GLRA2: variants seen among roughly 807,000 people sequenced by gnomAD.
GLRA2 encodes glycine receptor subunit alpha-2.
GLRA2 carries 11 observed loss-of-function variants against 31.6 expected under a neutral mutation model. The ratio of observed to expected loss-of-function variants is 0.35; its 90% confidence interval spans 0.22 to 0.58. The LOEUF (loss-of-function observed/expected upper bound fraction) is 0.58. GLRA2 is among the 20% of genes least tolerant of loss of function. The pLI, the probability that GLRA2 is intolerant of heterozygous loss-of-function variation, is 0.84. For synonymous variants in GLRA2, 132 were observed against 134.0 expected (o/e 0.99, Z 0.10); for missense variants, 212 against 351.8 (o/e 0.60, Z 3.18).
chrX:14,475,832 C>T, the GLRA2 span, among the ~76,000 whole-genome samples: 1 of 111,555 alleles, frequency 9.0e-6, no homozygotes, highest in Non-Finnish European at 1.9e-5. Flanking sequence ...ATTTCATAAT[C>T]CAATGTGTCA....
At chrX:14,495,874 G>T in the GLRA2 span, among the ~76,000 whole-genome samples, 2 of 110,500 alleles carry the variant, frequency 1.8e-5, no homozygotes, top group African/African-American at 6.6e-5. Flanking sequence ...GGGACTTTAT[G>T]ACCACTCTGG....
At chrX:14,461,138 G>T in the GLRA2 span, among the ~76,000 whole-genome samples, 38 of 112,285 alleles carry the variant, frequency 3.4e-4, 1 homozygote, top group South Asian at 0.013. Context: ...TTCAGGAGCA[G>T]GTTGTTCAGT....
At chrX:14,570,567 A>C (rs956947752) in intron 2 of GLRA2, among the ~76,000 whole-genome samples, 1 of 111,446 alleles carries the variant, frequency 9.0e-6, no homozygotes, top group African/African-American at 3.3e-5. Context: ...GGCATTTCCA[A>C]CAAACTCCTA....
At chrX:14,550,180 T>C (rs752928324) in intron 2 of GLRA2, among the ~76,000 whole-genome samples, 18 of 109,151 alleles carry the variant, frequency 1.6e-4, no homozygotes, top group Non-Finnish European at 3.2e-4. Context: ...AGTAAGTCTG[T>C]AGATTTATCG....
At chrX:14,449,801 G>C in the GLRA2 span, among the ~76,000 whole-genome samples, 1 of 112,372 alleles carries the variant, frequency 8.9e-6, no homozygotes, top group African/African-American at 3.2e-5. Flanking sequence ...CCCAGGATTT[G>C]AGCACACTGT....
At chrX:14,462,799 T>C in the GLRA2 span, among the ~76,000 whole-genome samples, 1 of 111,810 alleles carries the variant, frequency 8.9e-6, no homozygotes, top group Non-Finnish European at 1.9e-5. Flanking sequence ...CATGCTCCTT[T>C]AGCTCAGAGA....
At chrX:14,658,837 A>G (rs781508274) in intron 7 of GLRA2, among the ~76,000 whole-genome samples, 11 of 112,231 alleles carry the variant, frequency 9.8e-5, no homozygotes, top group Non-Finnish European at 1.9e-4. Context: ...TGTCATATAT[A>G]TATTCTTATC....
At chrX:14,503,019 T>A in the GLRA2 span, among the ~76,000 whole-genome samples, 4 of 111,158 alleles carry the variant, frequency 3.6e-5, no homozygotes, top group African/African-American at 1.3e-4. Context: ...ATTGAGAGAC[T>A]AAAATTTTTC....
chrX:14,621,277 C>T (rs747048813), intron 7 of GLRA2, among the ~76,000 whole-genome samples: 2 of 111,068 alleles, frequency 1.8e-5, no homozygotes, highest in African/African-American at 3.3e-5. Flanking sequence ...TTTCCCAGAC[C>T]CTACCACAAA....
chrX:14,692,754 T>C (rs1177026923), intron 8 of GLRA2, among the ~76,000 whole-genome samples: 1 of 112,040 alleles, frequency 8.9e-6, no homozygotes, highest in Non-Finnish European at 1.9e-5. Flanking sequence ...TCATTTTGCT[T>C]CCCAATTCTA....
chrX:14,699,102 C>A lies in GLRA2; in HGVS notation c.1080+8243C>A. On this transcript the variant is annotated intron_variant, in intron 8 of 8. Transcript: ENST00000218075. The stretch of plus-strand genomic sequence containing the variant: ...CCCAGATCTTCCCTGACAGAACTGG[C>A]CAACCCCAGTCTATTAGAAGCTGAT... 1.8e-5 allele frequency among the ~76,000 whole-genome samples: 2 copies of A among 112,183 alleles called. 1 individual carries two copies. The highest frequency in any genetic ancestry group is 7.5e-4 in the South Asian group (2 of 2,677).
At chrX:14,656,834 A>G (rs1003047744) in intron 7 of GLRA2, among the ~76,000 whole-genome samples, 4 of 112,251 alleles carry the variant, frequency 3.6e-5, no homozygotes, top group Non-Finnish European at 7.5e-5. Flanking sequence ...ATAGGTAGTA[A>G]TAAGTGCTAA....
At chrX:14,625,330 G>A (rs140507158) in intron 7 of GLRA2, among the ~76,000 whole-genome samples, 23,551 of 110,460 alleles carry the variant, frequency 0.21, 2,197 homozygotes, top group Non-Finnish European at 0.3. Context: ...TTTAATTGGC[G>A]CATTTAGCCT....
At chrX:14,570,678 C>G (rs1196912790) in intron 2 of GLRA2, among the ~76,000 whole-genome samples, 1 of 111,218 alleles carries the variant, frequency 9.0e-6, no homozygotes. Context: ...GATCCTGTTC[C>G]CTACCATAGC....
At chrX:14,489,982 G>A in the GLRA2 span, among the ~76,000 whole-genome samples, 3 of 109,988 alleles carry the variant, frequency 2.7e-5, no homozygotes, top group Non-Finnish European at 5.7e-5. Flanking sequence ...GACCTAGAGA[G>A]AGCATGACAA....
At chrX:14,464,268 C>T in the GLRA2 span, among the ~76,000 whole-genome samples, 1 of 111,871 alleles carries the variant, frequency 8.9e-6, no homozygotes, top group Non-Finnish European at 1.9e-5. Context: ...GACCAATATC[C>T]TGGAGCATCT....
intron 4 of GLRA2, among the ~76,000 whole-genome samples, chrX:14,589,301 A>G (rs1469447037): frequency 9.1e-6 from 1 of 110,190 alleles, no homozygotes; most frequent in Non-Finnish European, 1.9e-5. Flanking sequence ...TTTGAATTTT[A>G]TCAAAAGATT....
intron 8 of GLRA2, among the ~76,000 whole-genome samples, chrX:14,719,811 C>T (rs1425543477): frequency 2.7e-5 from 3 of 111,964 alleles, no homozygotes; most frequent in East Asian, 5.6e-4. Context: ...TATCCATCAA[C>T]AGATAAATGG....
chrX:14,473,707 C>G, the GLRA2 span, among the ~76,000 whole-genome samples: 1 of 112,045 alleles, frequency 8.9e-6, no homozygotes, highest in African/African-American at 3.2e-5. Flanking sequence ...AATAAACAAG[C>G]CTGCTCAGGC....
Sources: allele counts gnomAD v4.1 joint callset (sites outside exome capture counted in the v4.1 genomes callset), GRCh38; gene constraint gnomAD v4.1.1; transcripts MANE v1.5; gene names NCBI Gene and HGNC (gene_info 2026-07-23, HGNC 2026-07-21).